Variants in TOGARAM1 observed in about 807,000 individuals in gnomAD.
TOGARAM1 encodes the protein TOG array regulator of axonemal microtubules 1.
TOGARAM1 carries 100 observed loss-of-function variants against 166.6 expected under a neutral mutation model. The observed-to-expected ratio is 0.60, with a 90% CI of 0.51 to 0.71. The LOEUF (loss-of-function observed/expected upper bound fraction) is 0.71. TOGARAM1 is among the 30% of genes least tolerant of loss of function. TOGARAM1 has a pLI of 0.00. For missense variants in TOGARAM1, 2,029 were observed against 2,102.7 expected, an observed-to-expected ratio of 0.96 and a Z score of 0.69; for synonymous variants, 758 against 763.8, an observed-to-expected ratio of 0.99 and a Z score of 0.13.
At chr14:45,013,823 C>T (rs1273901526) in intron 7 of TOGARAM1, among the ~76,000 whole-genome samples, 1 of 152,130 alleles carries the variant, frequency 6.6e-6, no homozygotes, top group Non-Finnish European at 1.5e-5. Flanking sequence ...GAAGAGACAT[C>T]TGATTACTAG....
intron 11 of TOGARAM1, among the ~76,000 whole-genome samples, chr14:45,039,685 G>A (rs1881625491): frequency 6.6e-6 from 1 of 152,218 alleles, no homozygotes; most frequent in South Asian, 2.1e-4. Flanking sequence ...TGATAGTGGG[G>A]AGAACCAGGC....
At chr14:45,040,203 C>CAAAT (rs2138940731) in intron 11 of TOGARAM1, among the ~76,000 whole-genome samples, 1 of 152,154 alleles carries the variant, frequency 6.6e-6, no homozygotes, top group African/African-American at 2.4e-5. Flanking sequence ...ATATGTGTAA[C>CAAAT]CTATGGATCT....
intron 1 of TOGARAM1, among the ~76,000 whole-genome samples, chr14:44,977,946 G>A (rs1052135837): frequency 3.9e-5 from 6 of 152,118 alleles, no homozygotes; most frequent in Admixed American, 2.0e-4. Flanking sequence ...CACTGTGCCT[G>A]GCCTAGCCTT....
intron 4 of TOGARAM1, among the ~76,000 whole-genome samples, chr14:45,005,349 AGTGGGTCATGCCT>A (rs1887902893): frequency 6.6e-6 from 1 of 152,116 alleles, no homozygotes; most frequent in Admixed American, 6.5e-5. Flanking sequence ...GACTGAGCGT[AGTGGGTCATGCCT>A]GTAGCACTTT....
chr14:45,057,551 C>T lies in TOGARAM1; in HGVS notation c.4559+3002C>T, dbSNP rs186234469. On this transcript the variant is annotated intron_variant, in intron 16 of 19. Transcript: ENST00000361462. Reference sequence around the variant, plus strand: ...AAGCAATCCTCCTGCCTCAGCCTCACGAAGTGCTTTCTACTTTTTTCATGT... The same window carrying T: ...AAGCAATCCTCCTGCCTCAGCCTCATGAAGTGCTTTCTACTTTTTTCATGT... 1.6e-4 allele frequency among the ~76,000 whole-genome samples: 25 copies of T among 152,156 alleles called. 1 individual carries two copies. The East Asian group carries it at 4.2e-3, about 26-fold the overall frequency.
In TOGARAM1 at chr14:45,073,854, A is replaced by G. The variant is rs1883491286; in HGVS notation, c.*293A>G. 1 of 233,048 alleles carries G rather than the reference A, an allele frequency of 4.3e-6. No homozygotes were observed. The highest frequency in any genetic ancestry group is 5.4e-5 in the Admixed American group (1 of 18,500). The allele number at this position is 233,048 out of a possible 1,614,324, so 14.4% of individuals were successfully genotyped here. On this transcript the variant is annotated 3_prime_UTR_variant, in exon 20 of 20. Transcript: ENST00000361462. ...TGCTCATTTGCACTATTCTATAGAA[A>G]CTACAATTTGTTGCCCTATATGTAA...
Position 45,032,338 on chromosome 14 carries a change from A to G in TOGARAM1, c.3774A>G (p.Ala1258=). The G allele has an allele frequency of 6.2e-7, 1 of 1,614,106 alleles. No homozygotes were observed. The highest frequency in any genetic ancestry group is 2.2e-5 in the East Asian group (1 of 44,872). ...ELRPFSKPEI[A]LTEALRLLAD... ...GACCATTCTCTAAACCAGAAATAGCACTGACAGAAGCCCTGAGGCTTTTGG... is the reference window on the plus strand; with the variant it reads ...GACCATTCTCTAAACCAGAAATAGCGCTGACAGAAGCCCTGAGGCTTTTGG... Residue 1258 remains alanine (A), a synonymous_variant, in exon 11 of 20, where the codon GCA becomes GCG. Transcript: ENST00000361462.
intron 1 of TOGARAM1, among the ~76,000 whole-genome samples, chr14:44,968,228 A>G (rs1273145755): frequency 6.6e-6 from 1 of 152,206 alleles, no homozygotes; most frequent in African/African-American, 2.4e-5. Flanking sequence ...AAAAGTATAT[A>G]TACATGCATA....
At chr14:45,059,967 C>T (rs867955768) in intron 16 of TOGARAM1, among the ~76,000 whole-genome samples, 2 of 149,144 alleles carry the variant, frequency 1.3e-5, no homozygotes, top group Non-Finnish European at 3.0e-5. Flanking sequence ...GGCTGGAGTG[C>T]AGTGGCGTGA....
chr14:45,051,930 C>G (rs563254541), intron 14 of TOGARAM1, among the ~76,000 whole-genome samples: 1 of 152,114 alleles, frequency 6.6e-6, no homozygotes, highest in African/African-American at 2.4e-5. Context: ...TATCATAAGC[C>G]AAAAGTGCAT....
At chr14:45,070,277 G>A (rs1349695699) in intron 18 of TOGARAM1, among the ~76,000 whole-genome samples, 1 of 152,178 alleles carries the variant, frequency 6.6e-6, no homozygotes, top group Non-Finnish European at 1.5e-5. Flanking sequence ...TGGTTCTTAA[G>A]TATTTTTCAT....
rs996097275 is a variant in TOGARAM1, at chr14:44,978,390, A to T, written c.2046+13923A>T. 10 of 152,252 alleles carry T rather than the reference A, an allele frequency of 6.6e-5. No individual in the cohort carries two copies. The South Asian group carries it at 1.2e-3, about 19-fold the overall frequency. The allele number at this position is 152,252 out of a possible 1,614,324, so 9.4% of individuals were successfully genotyped here. The stretch of plus-strand genomic sequence containing the variant: ...ACCATACATGTATGACATATATATA[A>T]AAATGAGATTTTTGTGCCTAAATGT... On this transcript the variant is annotated intron_variant, in intron 1 of 19. Transcript: ENST00000361462.
intron 18 of TOGARAM1, among the ~76,000 whole-genome samples, chr14:45,071,216 G>C (rs141055060): frequency 2.6e-5 from 4 of 151,636 alleles, no homozygotes; most frequent in Admixed American, 6.6e-5. Context: ...CACCACACCC[G>C]GCTGCTTTTT....
Position 44,963,337 on chromosome 14 carries a change from C to A in TOGARAM1, c.916C>A (p.His306Asn). ...TCGTCTGCCCTCTGCCCTGAGGAGA[C>A]ACTACAATCGCCGCCTGGAGTCCCA... ...ISRLPSALRRHYNRRLESQFG... is the reference protein window; with the variant it reads ...ISRLPSALRRNYNRRLESQFG... Residue 306 changes from histidine (H) to asparagine (N), a missense_variant, in exon 1 of 20, where the codon CAC becomes AAC. Physicochemically the swap from His to Asn is moderately conservative, Grantham distance 68. Around this residue, in one of 2 missense-constraint regions of TOGARAM1, gnomAD observed 1,453 missense variants for 1,432.2 expected, o/e 1.01. Transcript: ENST00000361462. The A allele has an allele frequency of 6.2e-7, 1 of 1,614,176 alleles. No homozygotes were observed. The highest frequency in any genetic ancestry group is 8.5e-7 in the Non-Finnish European group (1 of 1,180,032).
intron 1 of TOGARAM1, among the ~76,000 whole-genome samples, chr14:44,976,305 G>T (rs1033484500): frequency 1.3e-5 from 2 of 152,104 alleles, no homozygotes; most frequent in Non-Finnish European, 2.9e-5. Context: ...TCATTGCCTA[G>T]ATTGCCCTTC....
intron 18 of TOGARAM1, among the ~76,000 whole-genome samples, chr14:45,070,452 A>G (rs1883329652): frequency 6.6e-6 from 1 of 152,160 alleles, no homozygotes; most frequent in Admixed American, 6.5e-5. Flanking sequence ...GTGGTTGCTC[A>G]CCATTTCAGA....
chr14:44,963,632 A>G lies in TOGARAM1; in HGVS notation c.1211A>G (p.Asp404Gly). 6.2e-7 allele frequency: 1 copy of G among 1,613,328 alleles called. No individual in the cohort carries two copies. The highest frequency in any genetic ancestry group is 8.5e-7 in the Non-Finnish European group (1 of 1,179,974). Residue 404 changes from aspartate (D) to glycine (G), a missense_variant, in exon 1 of 20, where the codon GAC becomes GGC. By Grantham distance (94) the Asp-to-Gly change is moderately conservative. Transcript: ENST00000361462. ...GFISLLYNLL[D>G]DSNFKVVHGT... is the part of the protein sequence containing the mutation. The stretch of plus-strand genomic sequence containing the variant: ...ATTAGTTTGCTATATAATTTGTTAG[A>G]CGATTCTAACTTCAAAGTGGTGCAT...
chr14:45,062,344 T>C (rs1882934857), intron 16 of TOGARAM1, among the ~76,000 whole-genome samples: 1 of 152,312 alleles, frequency 6.6e-6, no homozygotes, highest in South Asian at 2.1e-4. Context: ...TTCTGATAAA[T>C]TGGTCCTTTT....
chr14:45,015,278 C>T (rs978136338), intron 7 of TOGARAM1, among the ~76,000 whole-genome samples: 23 of 150,994 alleles, frequency 1.5e-4, no homozygotes, highest in African/African-American at 5.6e-4. Context: ...GTATTCCAGC[C>T]TGGATGACAG....
Sources: gnomAD v4.1 joint callset for allele counts (sites outside exome capture counted in the v4.1 genomes callset) on GRCh38, gnomAD v4.1.1 for gene constraint, gnomAD v4.1.1 regional missense constraint, MANE v1.5 for transcripts, NCBI Gene and HGNC (gene_info 2026-07-23, HGNC 2026-07-21) for gene names.